Variants in ATP11C observed in about 807,000 individuals in gnomAD.
ATP11C encodes the protein phospholipid-transporting ATPase IG.
A neutral mutation model predicts 97.4 loss-of-function variants in ATP11C; 36 were observed. That is an observed-to-expected ratio of 0.37 (90% CI 0.28 to 0.49). The LOEUF (loss-of-function observed/expected upper bound fraction) is 0.49. Among genes scored for constraint, ATP11C ranks in the 20% least tolerant of loss-of-function variants. ATP11C has a pLI of 0.98. For synonymous variants in ATP11C, 275 were observed against 290.9 expected, an observed-to-expected ratio of 0.95 and a Z score of 0.56; for missense variants, 730 against 824.6, an observed-to-expected ratio of 0.89 and a Z score of 1.40.
At chrX:139,749,754 C>T (rs1603341621) in intron 24 of ATP11C, among the ~76,000 whole-genome samples, 1 of 111,838 alleles carries the variant, frequency 8.9e-6, no homozygotes, top group East Asian at 2.8e-4. Flanking sequence ...TCCCATGAGA[C>T]ACTAGAACAC....
intron 1 of ATP11C, among the ~76,000 whole-genome samples, chrX:139,909,323 G>C (rs1040463144): frequency 9.0e-6 from 1 of 110,533 alleles, no homozygotes; most frequent in African/African-American, 3.3e-5. Flanking sequence ...TAGTAAAGAC[G>C]GGCTTCATCA....
chrX:139,852,395 A>AG (rs1049062856), intron 1 of ATP11C, among the ~76,000 whole-genome samples: 2 of 83,254 alleles, frequency 2.4e-5, no homozygotes, highest in Non-Finnish European at 2.2e-5. Context: ...TGGTGGCCTC[A>AG]GGGGTGAGAA....
In ATP11C at chrX:139,874,417, G is replaced by T. The variant is rs1292594116; in HGVS notation, c.28-47594C>A. ...ATACCTGTACAGTGCACATCATAGG[G>T]ACTGGAATATAAAAAGCACTCAATA... On this transcript the variant is annotated intron_variant, in intron 1 of 29. Coordinates refer to ENST00000682941, the MANE Select transcript of ATP11C (RefSeq NM_001353812.2). 4.5e-5 allele frequency among the ~76,000 whole-genome samples: 5 copies of T among 109,910 alleles called. No individual in the cohort carries two copies. In the Admixed American group the frequency reaches 4.9e-4, roughly 11 times the overall value.
intron 14 of ATP11C, among the ~76,000 whole-genome samples, chrX:139,787,774 G>A (rs377406303): frequency 2.7e-5 from 3 of 112,124 alleles, no homozygotes; most frequent in East Asian, 2.8e-4. Flanking sequence ...CTGATTCTAC[G>A]GCTAACACAC....
At chrX:139,845,165 G>A (rs1201776974) in intron 1 of ATP11C, among the ~76,000 whole-genome samples, 1 of 110,743 alleles carries the variant, frequency 9.0e-6, no homozygotes, top group African/African-American at 3.3e-5. Flanking sequence ...TCTTTCTTTA[G>A]GGGGTTCATA....
At chrX:139,772,348 C>A (rs1203798859) in intron 19 of ATP11C, among the ~76,000 whole-genome samples, 2 of 112,240 alleles carry the variant, frequency 1.8e-5, no homozygotes, top group African/African-American at 6.5e-5. Context: ...TCATGGAGAA[C>A]CTCTGCTTGG....
At chrX:139,813,186 T>C (rs1322729783) in intron 5 of ATP11C, among the ~76,000 whole-genome samples, 3 of 112,087 alleles carry the variant, frequency 2.7e-5, no homozygotes, top group Non-Finnish European at 5.6e-5. Flanking sequence ...GTCCATATCA[T>C]ATGTTATCAG....
chrX:139,931,990 C>G, intron 1 of ATP11C, 26 bp downstream of exon 1: 1 of 1,155,399 alleles, frequency 8.7e-7, no homozygotes, highest in South Asian at 2.0e-5. Context: ...AACCGGCACG[C>G]GCGGAGCCGC....
intron 18 of ATP11C, among the ~76,000 whole-genome samples, chrX:139,779,964 T>C (rs1017762389): frequency 6.3e-5 from 7 of 110,860 alleles, no homozygotes; most frequent in African/African-American, 1.3e-4. Flanking sequence ...ACAAACAAAA[T>C]GGATAAATTC....
At chrX:139,782,026 C>T (rs982993662) in intron 18 of ATP11C, among the ~76,000 whole-genome samples, 1 of 111,350 alleles carries the variant, frequency 9.0e-6, no homozygotes, top group Non-Finnish European at 1.9e-5. Flanking sequence ...ATGAATTTAC[C>T]TTAAAAATCA....
intron 28 of ATP11C, among the ~76,000 whole-genome samples, chrX:139,735,423 T>C (rs1454322705): frequency 1.8e-5 from 2 of 111,595 alleles, no homozygotes; most frequent in African/African-American, 6.5e-5. Flanking sequence ...CTACTCTAGG[T>C]AGAGACACAC....
chrX:139,936,592 CT>C (rs2085515862), upstream of ATP11C, among the ~76,000 whole-genome samples: 1 of 111,805 alleles, frequency 8.9e-6, no homozygotes, highest in Non-Finnish European at 1.9e-5. Context: ...CTAGATAATG[CT>C]TGCTACCTGA....
chrX:139,833,500 T>C (rs1013596948), intron 1 of ATP11C, among the ~76,000 whole-genome samples: 1 of 110,416 alleles, frequency 9.1e-6, no homozygotes, highest in Non-Finnish European at 1.9e-5. Context: ...TGGTCAAACA[T>C]AGTGAGACCC....
chrX:139,838,979 T>G (rs1364032051), intron 1 of ATP11C, among the ~76,000 whole-genome samples: 2 of 110,406 alleles, frequency 1.8e-5, no homozygotes. Flanking sequence ...AACCCAAATG[T>G]CCATAACTGA....
chrX:139,903,772 T>C (rs1410880496), intron 1 of ATP11C, among the ~76,000 whole-genome samples: 1 of 110,906 alleles, frequency 9.0e-6, no homozygotes, highest in East Asian at 2.8e-4. Context: ...GCTCTAGAAC[T>C]TTGAAAAGTA....
chrX:139,765,689 C>T (rs2082122803), intron 20 of ATP11C, among the ~76,000 whole-genome samples: 1 of 111,729 alleles, frequency 9.0e-6, no homozygotes, highest in Non-Finnish European at 1.9e-5. Context: ...TCTGGCTTGC[C>T]CAGATCAATT....
In ATP11C at chrX:139,932,979, TTCTC is replaced by T. The variant is rs926589536; in HGVS notation, c.-941_-938del. The T allele has an allele frequency of 2.7e-5, 3 of 112,394 alleles. No homozygotes were observed. The highest frequency in any genetic ancestry group is 9.7e-5 in the African/African-American group (3 of 30,915). 9.3% of individuals were successfully genotyped at this position (112,394 alleles called of 1,213,427 possible). On this transcript the variant is annotated 5_prime_UTR_variant, in exon 1 of 30. Transcript: ENST00000682941. The stretch of plus-strand genomic sequence containing the variant: ...ACGCGGCTTTCCCTCCTCTCAGTCT[TTCTC>T]TCGTCCTGCCTGCCCACCTAAGCCT...
chrX:139,759,467 A>G (rs2081996771), intron 22 of ATP11C, among the ~76,000 whole-genome samples: 1 of 111,879 alleles, frequency 8.9e-6, no homozygotes, highest in South Asian at 3.8e-4. Context: ...TAAAAGCCAG[A>G]CTAAAGCTGA....
chrX:139,746,762 A>C lies in ATP11C; in HGVS notation c.2829-905T>G, dbSNP rs754419722. ...GTCAGAACGCTAAATAAGGCTACCAATTCTAATGGAGCAGAGCTGCAGAAA... is the reference window on the plus strand; with the variant it reads ...GTCAGAACGCTAAATAAGGCTACCACTTCTAATGGAGCAGAGCTGCAGAAA... On this transcript the variant is annotated intron_variant, in intron 24 of 29. Coordinates refer to ENST00000682941, the MANE Select transcript of ATP11C (RefSeq NM_001353812.2). 8.1e-5 allele frequency among the ~76,000 whole-genome samples: 9 copies of C among 111,585 alleles called. No individual in the cohort carries two copies. The South Asian group carries it at 1.9e-3, about 24-fold the overall frequency.
Sources: allele counts gnomAD v4.1 joint callset (sites outside exome capture counted in the v4.1 genomes callset), GRCh38; gene constraint gnomAD v4.1.1; transcripts MANE v1.5; gene names NCBI Gene and HGNC (gene_info 2026-07-23, HGNC 2026-07-21).